Variants in APBB2 observed in about 807,000 individuals in gnomAD.
The protein encoded by APBB2 is amyloid beta precursor protein binding family B member 2.
A neutral mutation model predicts 82.5 loss-of-function variants in APBB2; 38 were observed. The ratio of observed to expected loss-of-function variants is 0.46; its 90% CI spans 0.36 to 0.60. APBB2 has a LOEUF of 0.60. Ranked by LOEUF, APBB2 falls within the 20% of genes least tolerant of loss-of-function variation. The pLI is 0.00. For synonymous variants in APBB2, 341 were observed against 368.2 expected (o/e 0.93, Z 0.85); for missense variants, 772 against 972.3 (o/e 0.79, Z 2.74).
intron 1 of APBB2, among the ~76,000 whole-genome samples, chr4:41,199,731 T>C (rs1447116307): frequency 1.3e-5 from 2 of 152,096 alleles, no homozygotes; most frequent in African/African-American, 4.8e-5. Flanking sequence ...AAAACATAAA[T>C]GAGGTACATA....
intron 12 of APBB2, among the ~76,000 whole-genome samples, chr4:40,835,969 G>C (rs891004009): frequency 1.3e-5 from 2 of 152,170 alleles, no homozygotes; most frequent in Non-Finnish European, 2.9e-5. Context: ...TCACTGGAGT[G>C]GGGGAGGGAA....
intron 10 of APBB2, among the ~76,000 whole-genome samples, chr4:40,913,759 T>C (rs77792342): frequency 6.6e-6 from 1 of 152,194 alleles, no homozygotes; most frequent in African/African-American, 2.4e-5. Context: ...TTTTCACATT[T>C]TCGTGCCCTT....
At chr4:41,130,649 G>A (rs1325229977) in intron 2 of APBB2, among the ~76,000 whole-genome samples, 1 of 152,012 alleles carries the variant, frequency 6.6e-6, no homozygotes, top group Non-Finnish European at 1.5e-5. Flanking sequence ...TCTCCCCATA[G>A]CTAACTCTCC....
At chr4:41,157,827 C>T (rs1475961416) in intron 1 of APBB2, among the ~76,000 whole-genome samples, 1 of 152,098 alleles carries the variant, frequency 6.6e-6, no homozygotes, top group Non-Finnish European at 1.5e-5. Context: ...CCCGTCTCTA[C>T]TAAAAATACA....
chr4:41,062,060 GC>G (rs1451546059), intron 4 of APBB2, among the ~76,000 whole-genome samples: 1 of 152,220 alleles, frequency 6.6e-6, no homozygotes, highest in Non-Finnish European at 1.5e-5. Flanking sequence ...TGGCTTTCCT[GC>G]CTTATGTGAG....
At chr4:40,946,204 C>A (rs1409974850) in intron 6 of APBB2, among the ~76,000 whole-genome samples, 5 of 139,860 alleles carry the variant, frequency 3.6e-5, no homozygotes, top group African/African-American at 1.4e-4. Flanking sequence ...TGCGCTCCAG[C>A]CTGGGCGACA....
At chr4:41,020,361 G>A (rs942873297) in intron 5 of APBB2, among the ~76,000 whole-genome samples, 20 of 152,122 alleles carry the variant, frequency 1.3e-4, no homozygotes, top group African/African-American at 4.3e-4. Flanking sequence ...ACAATAGATG[G>A]TTCCTCCCAG....
At chr4:40,939,163 T>C (rs768766941) in intron 7 of APBB2, among the ~76,000 whole-genome samples, 3 of 152,228 alleles carry the variant, frequency 2.0e-5, no homozygotes, top group Non-Finnish European at 4.4e-5. Context: ...CTTATCTTTA[T>C]AAATTACCCA....
At chr4:41,095,741 A>G (rs1413562172) in intron 3 of APBB2, among the ~76,000 whole-genome samples, 1 of 151,952 alleles carries the variant, frequency 6.6e-6, no homozygotes, top group Non-Finnish European at 1.5e-5. Flanking sequence ...AATCTACACA[A>G]CCTCACATGG....
intron 2 of APBB2, among the ~76,000 whole-genome samples, chr4:41,111,026 C>T (rs1349407435): frequency 2.0e-5 from 3 of 152,180 alleles, no homozygotes; most frequent in Non-Finnish European, 4.4e-5. Context: ...GGAGACAGTA[C>T]CAGATCATCA....
At chr4:40,874,519 G>T (rs6447496) in intron 12 of APBB2, among the ~76,000 whole-genome samples, 1 of 151,938 alleles carries the variant, frequency 6.6e-6, no homozygotes. Context: ...GGGGCAGGGC[G>T]GGGGGTGGAG....
intron 3 of APBB2, among the ~76,000 whole-genome samples, chr4:41,072,013 G>A (rs1227522098): frequency 7.5e-6 from 1 of 133,986 alleles, no homozygotes; most frequent in Non-Finnish European, 1.6e-5. Flanking sequence ...GCTGGATGGG[G>A]AGTTACTACT....
intron 6 of APBB2, among the ~76,000 whole-genome samples, chr4:40,990,605 T>C (rs1801750699): frequency 6.6e-6 from 1 of 152,144 alleles, no homozygotes; most frequent in Non-Finnish European, 1.5e-5. Context: ...AGAAGGCTTC[T>C]TGATGGAGTT....
intron 4 of APBB2, among the ~76,000 whole-genome samples, chr4:41,060,008 C>T (rs545739336): frequency 1.9e-4 from 29 of 151,176 alleles, no homozygotes; most frequent in Non-Finnish European, 4.1e-4. Flanking sequence ...ATAATAATAA[C>T]AATAACACTG....
intron 10 of APBB2, among the ~76,000 whole-genome samples, chr4:40,925,743 A>T (rs1189840371): frequency 2.6e-5 from 4 of 152,250 alleles, no homozygotes; most frequent in Non-Finnish European, 4.4e-5. Flanking sequence ...AATCTGAATG[A>T]GAAAAGGTAC....
chr4:40,948,094 A>C (rs1170878920), intron 6 of APBB2, among the ~76,000 whole-genome samples: 2 of 152,226 alleles, frequency 1.3e-5, no homozygotes, highest in Non-Finnish European at 2.9e-5. Flanking sequence ...CATGGATAAA[A>C]AAAAATATAA....
intron 1 of APBB2, among the ~76,000 whole-genome samples, chr4:41,176,590 C>T (rs6845228): frequency 0.12 from 17,790 of 152,042 alleles, 1,826 homozygotes; most frequent in African/African-American, 0.28. Context: ...ACTATCACTA[C>T]AAAAAATGTC....
At chr4:41,135,282 C>G (rs925525967) in intron 2 of APBB2, among the ~76,000 whole-genome samples, 3 of 151,688 alleles carry the variant, frequency 2.0e-5, no homozygotes, top group African/African-American at 4.8e-5. Flanking sequence ...ACATTCAAAA[C>G]TATATTCTTT....
chr4:41,009,118 A>G (rs529420811), intron 6 of APBB2, among the ~76,000 whole-genome samples: 2 of 152,240 alleles, frequency 1.3e-5, no homozygotes, highest in South Asian at 4.1e-4. Flanking sequence ...TAAAGCAAAC[A>G]TGAAACACTA....
Sources: gnomAD v4.1 joint callset for allele counts (sites outside exome capture counted in the v4.1 genomes callset) on GRCh38, gnomAD v4.1.1 for gene constraint, MANE v1.5 for transcripts, NCBI Gene and HGNC (gene_info 2026-07-23, HGNC 2026-07-21) for gene names.